The following OXR1 variants were observed in gnomAD, a reference collection of about 807,000 sequenced individuals.
OXR1 encodes oxidation resistance protein 1.
OXR1 carries 41 observed loss-of-function variants against 104.6 expected under a neutral mutation model. The ratio of observed to expected loss-of-function variants is 0.39; its 90% CI spans 0.31 to 0.51. The LOEUF (loss-of-function observed/expected upper bound fraction) is 0.51. OXR1 is among the 20% of genes least tolerant of loss of function. OXR1 has a pLI of 0.77. For missense variants in OXR1, 955 were observed against 1,031.9 expected, an observed-to-expected ratio of 0.93 and a Z score of 1.02; for synonymous variants, 348 against 348.4, an observed-to-expected ratio of 1.00 and a Z score of 0.01.
At chr8:106,583,846 G>A (rs1818430310) in intron 3 of OXR1, among the ~76,000 whole-genome samples, 1 of 152,114 alleles carries the variant, frequency 6.6e-6, no homozygotes, top group African/African-American at 2.4e-5. Flanking sequence ...CTTAGGACCA[G>A]CTCAATCAGA....
At chr8:106,395,242 C>T (rs1817730968) in intron 2 of OXR1, among the ~76,000 whole-genome samples, 1 of 152,040 alleles carries the variant, frequency 6.6e-6, no homozygotes, top group Admixed American at 6.6e-5. Flanking sequence ...AGGGGGCAGT[C>T]TAGAATGAAT....
intron 1 of OXR1, among the ~76,000 whole-genome samples, chr8:106,315,389 A>G (rs1396998030): frequency 6.6e-6 from 1 of 152,146 alleles, no homozygotes; most frequent in Non-Finnish European, 1.5e-5. Context: ...AAATTAACTC[A>G]TTTAATATAT....
chr8:106,329,551 G>C lies in OXR1; in HGVS notation c.-138-29925G>C, dbSNP rs1814625962. On this transcript the variant is annotated intron_variant, in intron 1 of 16. Transcript: ENST00000517566. ...TTTAGTAAAGACGGGGTTTCACCGT[G>C]TTAGCCCGGATGGTCTCGATCTCCT... 7.2e-5 allele frequency among the ~76,000 whole-genome samples: 11 copies of C among 152,048 alleles called. 1 individual carries two copies. In the South Asian group the frequency reaches 2.3e-3, roughly 32 times the overall value.
intron 2 of OXR1, among the ~76,000 whole-genome samples, chr8:106,446,709 T>C (rs1820024940): frequency 6.6e-6 from 1 of 151,552 alleles, no homozygotes; most frequent in African/African-American, 2.4e-5. Context: ...GGTGGGAGGA[T>C]TGCTTAGGGC....
chr8:106,442,570 A>G (rs1291755922), intron 2 of OXR1, among the ~76,000 whole-genome samples: 5 of 152,116 alleles, frequency 3.3e-5, no homozygotes, highest in East Asian at 3.9e-4. Flanking sequence ...TTGGTAGGCT[A>G]TTAATTACTA....
At chr8:106,391,818 T>C (rs1225601683) in intron 2 of OXR1, among the ~76,000 whole-genome samples, 2 of 152,106 alleles carry the variant, frequency 1.3e-5, no homozygotes, top group African/African-American at 4.8e-5. Flanking sequence ...ATTTAAAATA[T>C]GGAAAATTTT....
At chr8:106,566,310 G>A (rs1817069199) in intron 3 of OXR1, among the ~76,000 whole-genome samples, 1 of 152,112 alleles carries the variant, frequency 6.6e-6, no homozygotes. Flanking sequence ...AGTGGGTGAA[G>A]GATATGAACA....
At chr8:106,641,712 G>A (rs1184502908) in intron 3 of OXR1, among the ~76,000 whole-genome samples, 1 of 152,096 alleles carries the variant, frequency 6.6e-6, no homozygotes, top group Non-Finnish European at 1.5e-5. Flanking sequence ...TCTGAGCTTA[G>A]TTCTTAGAAG....
intron 2 of OXR1, among the ~76,000 whole-genome samples, chr8:106,398,612 A>C (rs1211881577): frequency 2.6e-5 from 4 of 152,140 alleles, no homozygotes; most frequent in Non-Finnish European, 5.9e-5. Context: ...GCACACAGGA[A>C]TATTAAGGGA....
chr8:106,320,065 A>G (rs761272497), intron 1 of OXR1, among the ~76,000 whole-genome samples: 26 of 152,170 alleles, frequency 1.7e-4, no homozygotes, highest in Non-Finnish European at 3.2e-4. Context: ...AGCAGTGGTA[A>G]CTATGATTGA....
chr8:106,341,390 C>CATATATAT (rs138432601), intron 1 of OXR1, among the ~76,000 whole-genome samples: 8,647 of 145,858 alleles, frequency 0.059, 853 homozygotes, highest in African/African-American at 0.2. Context: ...AGTCAATCTA[C>CATATATAT]ATATATATAT....
At chr8:106,638,524 C>G (rs1193633305) in intron 3 of OXR1, among the ~76,000 whole-genome samples, 1 of 152,148 alleles carries the variant, frequency 6.6e-6, no homozygotes, top group African/African-American at 2.4e-5. Flanking sequence ...TGTGAATTTG[C>G]ATTTCTTACA....
chr8:106,449,327 C>G (rs1820189843), intron 2 of OXR1, among the ~76,000 whole-genome samples: 1 of 152,134 alleles, frequency 6.6e-6, no homozygotes, highest in South Asian at 2.1e-4. Flanking sequence ...CCAAATGCAG[C>G]TAGCTACATA....
chr8:106,381,537 A>G (rs1309638300), intron 2 of OXR1, among the ~76,000 whole-genome samples: 1 of 152,152 alleles, frequency 6.6e-6, no homozygotes, highest in Non-Finnish European at 1.5e-5. Flanking sequence ...GAGCTGTATA[A>G]TAATGGCCAT....
At chr8:106,698,069 C>T (rs1830237900) in intron 7 of OXR1, 1 of 1,227,476 alleles carries the variant, frequency 8.1e-7, no homozygotes, top group Admixed American at 1.7e-5. Flanking sequence ...GAGCGGCACA[C>T]TCACTCAAGG....
chr8:106,731,722 G>A (rs1198290419), intron 11 of OXR1, among the ~76,000 whole-genome samples: 1 of 152,160 alleles, frequency 6.6e-6, no homozygotes, highest in Non-Finnish European at 1.5e-5. Context: ...ATTTCTGAGT[G>A]TTTTATTGTG....
chr8:106,742,512 A>C, intron 15 of OXR1, 195 bp downstream of exon 15: 1 of 467,526 alleles, frequency 2.1e-6, no homozygotes, highest in East Asian at 3.8e-5. Context: ...CATAAAGAAC[A>C]AAGCTGGAGG....
chr8:106,432,168 A>G (rs1819387290), intron 2 of OXR1, among the ~76,000 whole-genome samples: 1 of 152,164 alleles, frequency 6.6e-6, no homozygotes. Context: ...TCTCAGAATT[A>G]CTACATCTTC....
chr8:106,578,987 CTTT>C (rs71307073), intron 3 of OXR1, among the ~76,000 whole-genome samples: 2 of 137,904 alleles, frequency 1.5e-5, no homozygotes. Context: ...CTTTTTCTTT[CTTT>C]TTTTTTTTTT....
Sources: allele counts gnomAD v4.1 joint callset (sites outside exome capture counted in the v4.1 genomes callset), GRCh38; gene constraint gnomAD v4.1.1; transcripts MANE v1.5; gene names NCBI Gene and HGNC (gene_info 2026-07-23, HGNC 2026-07-21).